The following NRXN3 variants were observed in gnomAD, a reference collection of about 807,000 sequenced individuals.
NRXN3 encodes the protein neurexin 3.
In NRXN3, 32 loss-of-function variants were observed where a neutral mutation model predicts 137.6. The ratio of observed to expected loss-of-function variants is 0.23; its 90% CI spans 0.18 to 0.31. The LOEUF is 0.31. NRXN3 is among the 10% of genes least tolerant of loss of function. The pLI, the probability that NRXN3 is intolerant of heterozygous loss-of-function variation, is 1.00. For missense variants in NRXN3, 1,574 were observed against 2,062.5 expected (o/e 0.76, Z 4.59); for synonymous variants, 798 against 784.5 (o/e 1.02, Z -0.29).
chr14:79,751,183 T>C lies in NRXN3; in HGVS notation c.4014+53246T>C, dbSNP rs1265347901. Among the ~76,000 whole-genome samples, 7 of 152,184 alleles carry C rather than the reference T, an allele frequency of 4.6e-5. No individual in the cohort carries two copies. In the South Asian group the frequency reaches 1.2e-3, roughly 27 times the overall value. ...GGGCAGTGTGGCCATTTTCACGATA[T>C]TGATTCTTCCTACCCATGAGCATGG... On this transcript the variant is annotated intron_variant, in intron 19 of 20. Coordinates refer to ENST00000335750, the MANE Select transcript of NRXN3 (RefSeq NM_001330195.2).
chr14:78,887,471 C>G (rs1342540263), intron 10 of NRXN3, among the ~76,000 whole-genome samples: 1 of 151,966 alleles, frequency 6.6e-6, no homozygotes, highest in African/African-American at 2.4e-5. Context: ...TTGCACCAAC[C>G]TGATAACTCT....
At chr14:79,827,324 A>G (rs2099307664) in intron 20 of NRXN3, among the ~76,000 whole-genome samples, 2 of 152,126 alleles carry the variant, frequency 1.3e-5, no homozygotes, top group African/African-American at 2.4e-5. Flanking sequence ...AGAGTGTGAA[A>G]TAAGTGACAG....
intron 10 of NRXN3, among the ~76,000 whole-genome samples, chr14:78,943,614 AAAAAAAAATATATATATATATATATATAT>A (rs2099357694): frequency 9.1e-5 from 4 of 44,152 alleles, no homozygotes; most frequent in Non-Finnish European, 1.7e-4. Context: ...CACTGTTAAA[AAAAAAAAATATATATATATATATATATAT>A]ATATATATAT....
At chr14:79,219,232 C>G (rs1282392345) in intron 15 of NRXN3, among the ~76,000 whole-genome samples, 1 of 152,152 alleles carries the variant, frequency 6.6e-6, no homozygotes, top group Non-Finnish European at 1.5e-5. Context: ...AAACAATCCT[C>G]CTGCCTCAGC....
At chr14:79,651,234 C>T (rs1292765099) in intron 16 of NRXN3, among the ~76,000 whole-genome samples, 2 of 152,096 alleles carry the variant, frequency 1.3e-5, no homozygotes, top group Non-Finnish European at 2.9e-5. Context: ...TGGCAATTTT[C>T]CTGAAGACAG....
intron 4 of NRXN3, among the ~76,000 whole-genome samples, chr14:78,521,168 C>T (rs1421442930): frequency 2.0e-5 from 3 of 152,190 alleles, no homozygotes; most frequent in Non-Finnish European, 4.4e-5. Flanking sequence ...GTCTCTCTCT[C>T]TTCCTCTATC....
intron 10 of NRXN3, among the ~76,000 whole-genome samples, chr14:78,880,668 T>C (rs2099126621): frequency 6.6e-6 from 1 of 152,144 alleles, no homozygotes; most frequent in Non-Finnish European, 1.5e-5. Flanking sequence ...AGAATACCTG[T>C]TACATTATAA....
chr14:78,616,174 G>T (rs2097345703), intron 4 of NRXN3, among the ~76,000 whole-genome samples: 1 of 152,152 alleles, frequency 6.6e-6, no homozygotes. Flanking sequence ...GTCTCTCTAA[G>T]CTTAAAACCC....
intron 6 of NRXN3, among the ~76,000 whole-genome samples, chr14:78,667,411 G>A (rs1367714288): frequency 2.0e-5 from 3 of 152,176 alleles, no homozygotes; most frequent in Non-Finnish European, 4.4e-5. Context: ...TTGTCATTCA[G>A]TTGGTCCTTA....
In NRXN3 at chr14:79,837,136, A is replaced by G. The variant is rs74064330; in HGVS notation, c.4094-24206A>G. Among the ~76,000 whole-genome samples the G allele has an allele frequency of 1.7e-3, 262 of 152,308 alleles. 1 individual carries two copies. The highest frequency in any genetic ancestry group is 6.0e-3 in the African/African-American group (251 of 41,582). ...AATTGACTTTTGACTTTTGATTCTT[A>G]TGTTGAAAGGCAACATAGAAAATAA... On this transcript the variant is annotated intron_variant, in intron 20 of 20. Coordinates refer to ENST00000335750, the MANE Select transcript of NRXN3 (RefSeq NM_001330195.2).
At chr14:78,483,081 G>A (rs144911059) in intron 4 of NRXN3, among the ~76,000 whole-genome samples, 111 of 151,914 alleles carry the variant, frequency 7.3e-4, no homozygotes, top group African/African-American at 2.6e-3. Context: ...ATTATGAAGG[G>A]CATTTCTAGT....
At chr14:79,330,700 C>T (rs954756661) in intron 15 of NRXN3, among the ~76,000 whole-genome samples, 22 of 152,102 alleles carry the variant, frequency 1.4e-4, no homozygotes, top group Admixed American at 1.0e-3. Context: ...ATGGAGAAAG[C>T]ATAGAGAAGA....
intron 11 of NRXN3, among the ~76,000 whole-genome samples, chr14:78,959,848 A>G (rs765352671): frequency 6.6e-6 from 1 of 152,088 alleles, no homozygotes; most frequent in Non-Finnish European, 1.5e-5. Context: ...CTGAAGGGTG[A>G]TGGGATTCAC....
intron 14 of NRXN3, among the ~76,000 whole-genome samples, chr14:78,987,195 A>G (rs1445640682): frequency 6.6e-6 from 1 of 152,118 alleles, no homozygotes; most frequent in African/African-American, 2.4e-5. Flanking sequence ...GGTGAGCTCC[A>G]AGCGTTTGCA....
In NRXN3 at chr14:79,664,691, A is replaced by G. The variant is rs142062281; in HGVS notation, c.3616+742A>G. Among the ~76,000 whole-genome samples, 412 of 152,282 alleles carry G rather than the reference A, an allele frequency of 2.7e-3. 3 individuals carry two copies. The highest frequency in any genetic ancestry group is 9.2e-3 in the African/African-American group (381 of 41,562). On this transcript the variant is annotated intron_variant, in intron 17 of 20. Coordinates refer to ENST00000335750, the MANE Select transcript of NRXN3 (RefSeq NM_001330195.2). ...GCCTTCCTTAAAAGAGATCATTCAA[A>G]TAATCCCTCAGCTTTCCCTCTTGCC...
At chr14:78,489,068 G>T (rs1327862945) in intron 4 of NRXN3, among the ~76,000 whole-genome samples, 6 of 152,142 alleles carry the variant, frequency 3.9e-5, no homozygotes, top group Non-Finnish European at 5.9e-5. Flanking sequence ...GTAAATGGAG[G>T]CCCTGGAGAG....
intron 8 of NRXN3, among the ~76,000 whole-genome samples, chr14:78,758,930 T>G (rs2098680955): frequency 6.6e-6 from 1 of 152,180 alleles, no homozygotes; most frequent in Non-Finnish European, 1.5e-5. Context: ...TTTAGTTTCA[T>G]CTCCTTTCAT....
intron 14 of NRXN3, among the ~76,000 whole-genome samples, chr14:78,968,865 C>G (rs2099428908): frequency 6.6e-6 from 1 of 152,196 alleles, no homozygotes; most frequent in Non-Finnish European, 1.5e-5. Context: ...TTACTAAGTA[C>G]TTACTAATTA....
At chr14:78,216,287 G>C (rs568186065) in intron 1 of NRXN3, among the ~76,000 whole-genome samples, 10 of 152,016 alleles carry the variant, frequency 6.6e-5, no homozygotes, top group Non-Finnish European at 1.0e-4. Flanking sequence ...GCTTAGTGCC[G>C]ATGACAGTTT....
Sources: gnomAD v4.1 joint callset for allele counts (sites outside exome capture counted in the v4.1 genomes callset) on GRCh38, gnomAD v4.1.1 for gene constraint, MANE v1.5 for transcripts, NCBI Gene and HGNC (gene_info 2026-07-23, HGNC 2026-07-21) for gene names.